PIK3CB: variants seen among roughly 807,000 people sequenced by gnomAD.
PIK3CB encodes the protein phosphatidylinositol 4,5-bisphosphate 3-kinase catalytic subunit beta isoform.
Under a neutral mutation model 136.8 loss-of-function variants are expected in PIK3CB, and 39 were observed. The ratio of observed to expected loss-of-function variants is 0.29; its 90% confidence interval spans 0.22 to 0.37. The LOEUF is 0.37. PIK3CB is among the 10% of genes least tolerant of loss of function. The pLI is 1.00. For synonymous variants in PIK3CB, 428 were observed against 436.6 expected, an observed-to-expected ratio of 0.98 and a Z score of 0.25; for missense variants, 868 against 1,275.4, an observed-to-expected ratio of 0.68 and a Z score of 4.87.
chr3:138,701,863 T>A (rs2044261768), intron 12 of PIK3CB, among the ~76,000 whole-genome samples: 1 of 150,802 alleles, frequency 6.6e-6, no homozygotes, highest in South Asian at 2.1e-4. Context: ...AAGGTATTTT[T>A]TAAAAAGTAG....
intron 1 of PIK3CB, among the ~76,000 whole-genome samples, chr3:138,805,879 C>T (rs2046228865): frequency 6.6e-6 from 1 of 151,014 alleles, no homozygotes; most frequent in South Asian, 2.1e-4. Flanking sequence ...ACAGGCATGC[C>T]CCACCATGCC....
At chr3:138,815,139 CAAAAAA>C (rs71637082) in intron 1 of PIK3CB, among the ~76,000 whole-genome samples, 50 of 38,142 alleles carry the variant, frequency 1.3e-3, no homozygotes, top group African/African-American at 6.2e-3. Flanking sequence ...GACTCCGTCT[CAAAAAA>C]AAAAAAAAAA....
At chr3:138,676,026 G>C (rs1253332435) in intron 19 of PIK3CB, among the ~76,000 whole-genome samples, 1 of 152,100 alleles carries the variant, frequency 6.6e-6, no homozygotes, top group African/African-American at 2.4e-5. Flanking sequence ...AAAAATTAAA[G>C]TGAACAAACA....
intron 2 of PIK3CB, chr3:138,778,119 TG>T: frequency 2.6e-6 from 1 of 388,044 alleles, no homozygotes; most frequent in South Asian, 1.9e-5. Context: ...TGGAGACCAC[TG>T]GCATCTTCAC....
chr3:138,717,932 T>C (rs7642315), intron 8 of PIK3CB, among the ~76,000 whole-genome samples: 27 of 152,312 alleles, frequency 1.8e-4, no homozygotes, highest in African/African-American at 6.0e-4. Flanking sequence ...ATCCAATCTG[T>C]CACTGATGGG....
At chr3:138,786,438 C>G (rs1012156160) in intron 2 of PIK3CB, among the ~76,000 whole-genome samples, 1 of 152,004 alleles carries the variant, frequency 6.6e-6, no homozygotes, top group Non-Finnish European at 1.5e-5. Context: ...TCGCTGCAAT[C>G]TCTGCCTCCC....
At chr3:138,674,739 A>G (rs2043608812) in intron 19 of PIK3CB, among the ~76,000 whole-genome samples, 2 of 152,228 alleles carry the variant, frequency 1.3e-5, no homozygotes, top group Admixed American at 1.3e-4. Flanking sequence ...AACATGTTCA[A>G]AGAACTAAAG....
chr3:138,678,806 G>T (rs2043701824), intron 19 of PIK3CB, among the ~76,000 whole-genome samples: 1 of 152,136 alleles, frequency 6.6e-6, no homozygotes, highest in Non-Finnish European at 1.5e-5. Context: ...GAAGCTAAAA[G>T]AAATCAAACC....
At chr3:138,806,907 G>A (rs866104402) in intron 1 of PIK3CB, among the ~76,000 whole-genome samples, 1 of 152,206 alleles carries the variant, frequency 6.6e-6, no homozygotes, top group Admixed American at 6.5e-5. Context: ...TAATAAACTT[G>A]TATTTTTAAA....
At chr3:138,725,919 A>G (rs1348860124) in intron 8 of PIK3CB, among the ~76,000 whole-genome samples, 1 of 152,062 alleles carries the variant, frequency 6.6e-6, no homozygotes, top group Non-Finnish European at 1.5e-5. Flanking sequence ...TATTCCAGAT[A>G]TTTTGTCTAT....
At chr3:138,675,133 A>G (rs1009720464) in intron 19 of PIK3CB, among the ~76,000 whole-genome samples, 1 of 152,078 alleles carries the variant, frequency 6.6e-6, no homozygotes, top group Non-Finnish European at 1.5e-5. Context: ...GATATTATTT[A>G]AATGAATCAA....
chr3:138,754,014 C>A (rs991653508), intron 4 of PIK3CB, among the ~76,000 whole-genome samples: 1 of 152,026 alleles, frequency 6.6e-6, no homozygotes, highest in Non-Finnish European at 1.5e-5. Context: ...AGAAATATAT[C>A]AAAATATTGT....
intron 2 of PIK3CB, among the ~76,000 whole-genome samples, chr3:138,791,434 G>A (rs971753308): frequency 4.6e-5 from 7 of 152,040 alleles, no homozygotes; most frequent in African/African-American, 7.2e-5. Flanking sequence ...TGCACCTGGC[G>A]GCCTCACAAT....
intron 1 of PIK3CB, among the ~76,000 whole-genome samples, chr3:138,824,057 CAGG>C (rs1403821967): frequency 6.6e-6 from 1 of 152,044 alleles, no homozygotes; most frequent in African/African-American, 2.4e-5. Context: ...TTCTAAGTGG[CAGG>C]AGAAGAAGAT....
intron 13 of PIK3CB, among the ~76,000 whole-genome samples, chr3:138,697,880 A>T (rs2044171890): frequency 6.6e-6 from 1 of 151,888 alleles, no homozygotes; most frequent in South Asian, 2.1e-4. Context: ...CTACAGGCAC[A>T]TGCCAGCATG....
At chr3:138,767,082 G>A (rs902393123) in intron 2 of PIK3CB, among the ~76,000 whole-genome samples, 3 of 152,040 alleles carry the variant, frequency 2.0e-5, no homozygotes, top group East Asian at 3.9e-4. Context: ...GCTGAGGCAG[G>A]AGAATCGATT....
intron 19 of PIK3CB, among the ~76,000 whole-genome samples, chr3:138,676,793 T>C (rs1481403007): frequency 4.0e-4 from 61 of 152,082 alleles, no homozygotes; most frequent in Non-Finnish European, 1.2e-4. Context: ...CCAAAAAAGG[T>C]ACATCTATAG....
chr3:138,751,240 C>T (rs952198725), intron 4 of PIK3CB, among the ~76,000 whole-genome samples: 7 of 151,914 alleles, frequency 4.6e-5, no homozygotes, highest in South Asian at 4.1e-4. Flanking sequence ...GGGCGGATCA[C>T]GAGGTCAGGA....
At chr3:138,683,517 A>G (rs2043822677) in intron 18 of PIK3CB, among the ~76,000 whole-genome samples, 161 bp downstream of exon 18, 1 of 152,096 alleles carries the variant, frequency 6.6e-6, no homozygotes, top group Non-Finnish European at 1.5e-5. Flanking sequence ...GGAAAAAAAA[A>G]GCATTTAGGA....
Sources: allele counts gnomAD v4.1 joint callset (sites outside exome capture counted in the v4.1 genomes callset), GRCh38; gene constraint gnomAD v4.1.1; transcripts MANE v1.5; gene names NCBI Gene and HGNC (gene_info 2026-07-23, HGNC 2026-07-21).